Variants in PLXNA4 observed in about 807,000 individuals in gnomAD.
The protein encoded by PLXNA4 is plexin A4.
PLXNA4 carries 44 observed loss-of-function variants against 191.8 expected under a neutral mutation model. That is an observed-to-expected ratio of 0.23 (90% CI 0.18 to 0.29). PLXNA4 has a LOEUF of 0.29. Among genes scored for constraint, PLXNA4 ranks in the 10% least tolerant of loss-of-function variants. The pLI, the probability that PLXNA4 is intolerant of heterozygous loss-of-function variation, is 1.00. For missense variants in PLXNA4, 1,800 were observed against 2,488.8 expected, an observed-to-expected ratio of 0.72 and a Z score of 5.89; for synonymous variants, 1,082 against 1,009.5, an observed-to-expected ratio of 1.07 and a Z score of -1.36.
At chr7:132,150,335 T>C (rs186773351) in intron 25 of PLXNA4, among the ~76,000 whole-genome samples, 4 of 152,310 alleles carry the variant, frequency 2.6e-5, no homozygotes, top group Non-Finnish European at 4.4e-5. Context: ...TTTTGAGTGG[T>C]TGGAGCAAAG....
chr7:132,427,364 G>T (rs1479645968), intron 3 of PLXNA4, among the ~76,000 whole-genome samples: 2 of 152,084 alleles, frequency 1.3e-5, no homozygotes, highest in African/African-American at 2.4e-5. Context: ...AGAAGACTAG[G>T]GTCTACAGCG....
chr7:132,238,802 CAG>C (rs1231271463), intron 5 of PLXNA4, among the ~76,000 whole-genome samples: 1 of 151,734 alleles, frequency 6.6e-6, no homozygotes, highest in East Asian at 1.9e-4. Context: ...CAGGGATCAA[CAG>C]AGTCACAAGA....
intron 1 of PLXNA4, among the ~76,000 whole-genome samples, chr7:132,509,090 A>G (rs1798606268): frequency 6.7e-6 from 1 of 149,092 alleles, no homozygotes; most frequent in East Asian, 2.0e-4. Context: ...TGTGTCAGAC[A>G]CTGTCCAGCA....
intron 3 of PLXNA4, among the ~76,000 whole-genome samples, chr7:132,328,425 A>T (rs553714253): frequency 4.6e-5 from 7 of 152,200 alleles, no homozygotes; most frequent in African/African-American, 1.7e-4. Flanking sequence ...AGGGCTGGAC[A>T]AAAAGGGCAT....
intron 6 of PLXNA4, among the ~76,000 whole-genome samples, 169 bp downstream of exon 6, chr7:132,228,176 TC>T (rs560670132): frequency 6.6e-6 from 1 of 152,066 alleles, no homozygotes; most frequent in Non-Finnish European, 1.5e-5. Flanking sequence ...CCTTCTTGCA[TC>T]CCCCCGTAGA....
intron 4 of PLXNA4, among the ~76,000 whole-genome samples, chr7:132,281,716 A>G (rs1800484068): frequency 6.6e-6 from 1 of 152,124 alleles, no homozygotes; most frequent in Non-Finnish European, 1.5e-5. Context: ...TTATTTTTTC[A>G]AAGTTACCAG....
At chr7:132,607,067 G>A (rs1802939891) in intron 2 of PLXNA4, among the ~76,000 whole-genome samples, 1 of 152,148 alleles carries the variant, frequency 6.6e-6, no homozygotes, top group Admixed American at 6.5e-5. Flanking sequence ...AGTAGATAAT[G>A]TTCAACATTC....
chr7:132,541,589 T>C (rs1397460758), intron 1 of PLXNA4, among the ~76,000 whole-genome samples: 3 of 152,232 alleles, frequency 2.0e-5, no homozygotes, highest in African/African-American at 7.2e-5. Context: ...CACATAGGTG[T>C]CATATAATGG....
At chr7:132,231,673 T>C (rs1025050504) in intron 5 of PLXNA4, among the ~76,000 whole-genome samples, 6 of 152,252 alleles carry the variant, frequency 3.9e-5, no homozygotes, top group Non-Finnish European at 5.9e-5. Context: ...AATCCACTCA[T>C]CTCGGCCTCC....
chr7:132,305,762 T>C (rs953934345), intron 3 of PLXNA4, among the ~76,000 whole-genome samples: 5 of 152,178 alleles, frequency 3.3e-5, no homozygotes, highest in African/African-American at 1.2e-4. Flanking sequence ...TAGAGCATTC[T>C]GGCTGCCGTC....
chr7:132,384,686 G>A lies in PLXNA4; in HGVS notation c.1372-86464C>T, dbSNP rs1436423881. On this transcript the variant is annotated intron_variant, in intron 3 of 31. Transcript: ENST00000321063. ...AGTTAATTACATGATGCTGCAGTAC[G>A]GTGGGCTCCATCCTCTCTGCCCTGT... The A allele has an allele frequency of 1.7e-5, 17 of 1,003,708 alleles. No individual in the cohort carries two copies. In the South Asian group the frequency reaches 2.9e-4, roughly 17 times the overall value. The allele number at this position is 1,003,708 out of a possible 1,614,324, so 62.2% of individuals were successfully genotyped here. A position where few individuals can be genotyped will look rare whatever the true frequency, so the allele number is the denominator to read the frequency against.
rs79515924 is a variant in PLXNA4, at chr7:132,132,665, A to C, written c.5589+384T>G. Among the ~76,000 whole-genome samples, 828 of 152,078 alleles carry C rather than the reference A, an allele frequency of 5.4e-3. 6 individuals carry two copies. The highest frequency in any genetic ancestry group is 0.019 in the African/African-American group (795 of 41,464). The stretch of plus-strand genomic sequence containing the variant: ...TTTCTATTCTATTCTACAACATACC[A>C]TATCATACCATACAATGCCATACCA... On this transcript the variant is annotated intron_variant, in intron 31 of 31. Coordinates refer to ENST00000321063, the MANE Select transcript of PLXNA4 (RefSeq NM_020911.2).
intron 4 of PLXNA4, among the ~76,000 whole-genome samples, chr7:132,248,790 C>T (rs1252703056): frequency 6.6e-6 from 1 of 152,162 alleles, no homozygotes; most frequent in Non-Finnish European, 1.5e-5. Flanking sequence ...GTCAGCTGTC[C>T]AGAAGCAAAG....
rs182410907 is a variant in PLXNA4 at position 132,146,249 on chromosome 7, G to A, written c.5055+261C>T. On this transcript the variant is annotated intron_variant, in intron 28 of 31. Coordinates refer to ENST00000321063, the MANE Select transcript of PLXNA4 (RefSeq NM_020911.2). ...AGGCAGTTAGAGTCTCAGTATTTCA[G>A]AAGGGCATGGAGAAGGGGTAGAAAC... is the stretch of plus-strand genomic sequence containing the variant. Among the ~76,000 whole-genome samples the A allele has an allele frequency of 3.1e-3, 475 of 152,180 alleles. 6 individuals are homozygous for A. The highest frequency in any genetic ancestry group is 1.9e-3 in the Non-Finnish European group (129 of 68,022).
chr7:132,302,794 C>T (rs761258788), intron 3 of PLXNA4, among the ~76,000 whole-genome samples: 50 of 152,082 alleles, frequency 3.3e-4, no homozygotes, highest in Non-Finnish European at 2.6e-4. Context: ...TGACCAGTGG[C>T]CATGGTTCAG....
At chr7:132,434,035 A>G (rs762480744) in intron 3 of PLXNA4, among the ~76,000 whole-genome samples, 5 of 152,232 alleles carry the variant, frequency 3.3e-5, no homozygotes, top group Non-Finnish European at 7.3e-5. Flanking sequence ...CTATGCAACT[A>G]TTCCAAGCTG....
intron 1 of PLXNA4, among the ~76,000 whole-genome samples, chr7:132,571,019 A>C (rs1298930013): frequency 6.6e-6 from 1 of 152,232 alleles, no homozygotes; most frequent in Non-Finnish European, 1.5e-5. Flanking sequence ...CAAGTTGGAC[A>C]GAACTTTTAC....
chr7:132,164,199 G>A lies in PLXNA4; in HGVS notation c.4443C>T (p.Ala1481=), dbSNP rs1445738221. 2 of 1,614,110 alleles carry A rather than the reference G, an allele frequency of 1.2e-6. No individual in the cohort carries two copies. The highest frequency in any genetic ancestry group is 1.7e-6 in the Non-Finnish European group (2 of 1,180,060). The change falls in exon 24 of 32, where the codon GCC becomes GCT. Residue 1481 remains alanine, a synonymous_variant. Transcript: ENST00000321063. ...GCTTGTCCTCGCTCAAGGAGTAGCG[G>A]GCCTCGCCCGTGATGGCGTCAATGG... ...KGPIDAITGE[A]RYSLSEDKLI... is the part of the protein sequence containing the mutation.
Position 132,125,140 on chromosome 7 carries a change from AC to A in PLXNA4, c.*5338del, listed in dbSNP as rs1794734402. 1 of 152,062 alleles carries A rather than the reference AC, an allele frequency of 6.6e-6. No individual in the cohort carries two copies. Among genetic ancestry groups the A allele is most frequent in the Non-Finnish European group, 1.5e-5 (1 of 68,010 alleles). 9.4% of individuals were successfully genotyped at this position (152,062 alleles called of 1,614,324 possible). On this transcript the variant is annotated 3_prime_UTR_variant, in exon 32 of 32. Transcript: ENST00000321063. ...TTAGGTTTCCTGTCAAGAGCATGCC[AC>A]CCTTAGCACCATGAGGAGAGGTTTG...
Sources: gnomAD v4.1 joint callset for allele counts (sites outside exome capture counted in the v4.1 genomes callset) on GRCh38, gnomAD v4.1.1 for gene constraint, MANE v1.5 for transcripts, NCBI Gene and HGNC (gene_info 2026-07-23, HGNC 2026-07-21) for gene names.